Variants in MARF1 observed in about 807,000 individuals in gnomAD.
The protein encoded by MARF1 is meiosis regulator and mRNA stability factor 1, also known as limkain-b1.
In MARF1, 24 loss-of-function variants were observed where a neutral mutation model predicts 168.2. The ratio of observed to expected loss-of-function variants is 0.14; its 90% CI spans 0.10 to 0.20. The LOEUF (loss-of-function observed/expected upper bound fraction) is 0.20. Ranked by LOEUF, MARF1 falls within the 10% of genes least tolerant of loss-of-function variation. MARF1 has a pLI of 1.00. For synonymous variants in MARF1, 868 were observed against 822.4 expected (o/e 1.06, Z -0.95); for missense variants, 1,744 against 2,143.6 (o/e 0.81, Z 3.68).
intron 2 of MARF1, among the ~76,000 whole-genome samples, chr16:15,637,522 T>C (rs1324850534): frequency 1.3e-5 from 2 of 152,244 alleles, no homozygotes; most frequent in African/African-American, 2.4e-5. Context: ...TTGGTAATTA[T>C]AGTTCAGACT....
At chr16:15,602,331 C>T (rs937530162) in intron 22 of MARF1, 128 bp from the exon 23 acceptor site, 17 of 710,702 alleles carry the variant, frequency 2.4e-5, no homozygotes, top group East Asian at 1.0e-4. Context: ...AAGAAGGCAA[C>T]GAAGATGAGA....
intron 22 of MARF1, among the ~76,000 whole-genome samples, chr16:15,603,962 G>A (rs1362465461): frequency 6.6e-6 from 1 of 152,076 alleles, no homozygotes; most frequent in Non-Finnish European, 1.5e-5. Context: ...CCCAGTGCCA[G>A]GATGAGGAGA....
rs2035801661 is a variant in MARF1 at position 15,639,397 on chromosome 16, C to T, written c.-58-106G>A. ...GCTATATTTACAGTCCTATGGCTCT[C>T]AACAATTCAAATCTTTGTTTCAAGA... is the stretch of plus-strand genomic sequence containing the variant. On this transcript the variant is annotated intron_variant, in intron 1 of 26. Transcript: ENST00000396368. 11 of 731,554 alleles carry T rather than the reference C, an allele frequency of 1.5e-5. No homozygotes were observed. The East Asian group carries it at 2.9e-4, about 20-fold the overall frequency. The allele number at this position is 731,554 out of a possible 1,614,324, so 45.3% of individuals were successfully genotyped here.
rs1356836665 is a variant in MARF1 at position 15,639,249 on chromosome 16, G to A, written c.-16C>T. On this transcript the variant is annotated 5_prime_UTR_variant, in exon 2 of 27. Transcript: ENST00000396368. ...CTTCCATCATACAGCCATGCAAAGT[G>A]ATTCAACATCCTTTCATCTTTCTTT... The A allele has an allele frequency of 6.2e-7, 1 of 1,604,500 alleles. No individual in the cohort carries two copies. Among genetic ancestry groups the A allele is most frequent in the Non-Finnish European group, 8.5e-7 (1 of 1,175,664 alleles).
intron 8 of MARF1, 32 bp downstream of exon 8, chr16:15,625,340 A>G (rs1288560631): frequency 1.3e-6 from 2 of 1,571,844 alleles, no homozygotes; most frequent in South Asian, 1.2e-5. Flanking sequence ...AACCTACCAT[A>G]AACTTCAGAA....
chr16:15,631,536 T>C, intron 5 of MARF1, 38 bp from the exon 6 acceptor site: 1 of 1,440,392 alleles, frequency 6.9e-7, no homozygotes, highest in Non-Finnish European at 9.7e-7. Context: ...AAGCAGGAGC[T>C]GAGGCTAGAA....
At position 15,617,369 on chromosome 16, in the gene MARF1, G is replaced by A. The variant is rs770508355; in HGVS notation, c.2887C>T (p.Pro963Ser). Reference sequence around the variant, plus strand: ...TATTCTAACTCTTCAAATATAATTGGGCTGCAATTCGTGGAGGAGCCGTCG... The same window carrying A: ...TATTCTAACTCTTCAAATATAATTGAGCTGCAATTCGTGGAGGAGCCGTCG... Reference protein sequence around the residue: ...SHDGSSTNCSPIIFEELEYHE... With the variant: ...SHDGSSTNCSSIIFEELEYHE... The change falls in exon 14 of 27, where the codon CCA (proline) becomes TCA (serine). Residue 963 changes from proline (P) to serine (S), a missense_variant. This residue lies in a region of MARF1 where 543 missense variants were observed against 742.1 expected (regional missense o/e 0.73). Transcript: ENST00000396368. The A allele has an allele frequency of 1.2e-6, 2 of 1,614,004 alleles. No individual in the cohort carries two copies. Among genetic ancestry groups the A allele is most frequent in the African/African-American group, 2.7e-5 (2 of 74,892 alleles).
intron 5 of MARF1, among the ~76,000 whole-genome samples, chr16:15,632,261 G>A (rs986217273): frequency 2.0e-5 from 3 of 152,322 alleles, no homozygotes; most frequent in African/African-American, 7.2e-5. Flanking sequence ...CAATTTGGAG[G>A]TGGTAAAGAT....
intron 11 of MARF1, among the ~76,000 whole-genome samples, chr16:15,622,498 T>C (rs1169549031): frequency 6.6e-6 from 1 of 151,938 alleles, no homozygotes; most frequent in East Asian, 1.9e-4. Flanking sequence ...TTTAAGCAAT[T>C]CTCCTGCCTT....
Position 15,595,416 on chromosome 16 carries a change from G to C in MARF1, c.*1277C>G, listed in dbSNP as rs1057238484. On this transcript the variant is annotated 3_prime_UTR_variant, in exon 27 of 27. Coordinates refer to ENST00000396368, the MANE Select transcript of MARF1 (RefSeq NM_014647.4). ...CTAGTGGAAGACCTTACGCCAACAG[G>C]TTCTTTCTGCTCTATGAATGAATCC... 13 of 152,570 alleles carry C rather than the reference G, an allele frequency of 8.5e-5. No individual in the cohort carries two copies. The highest frequency in any genetic ancestry group is 6.5e-4 in the Admixed American group (10 of 15,272). The allele number at this position is 152,570 out of a possible 1,614,324, so 9.5% of individuals were successfully genotyped here.
intron 7 of MARF1, among the ~76,000 whole-genome samples, chr16:15,626,191 T>A (rs370375576): frequency 6.6e-6 from 1 of 152,134 alleles, no homozygotes; most frequent in African/African-American, 2.4e-5. Flanking sequence ...TCCATTTCTA[T>A]AAAGCATCCA....
intron 26 of MARF1, among the ~76,000 whole-genome samples, 169 bp from the exon 27 acceptor site, chr16:15,597,106 A>C (rs915677199): frequency 2.0e-5 from 3 of 152,210 alleles, no homozygotes; most frequent in South Asian, 2.1e-4. Flanking sequence ...TGAACTTGGC[A>C]CAGAAATCAA....
Position 15,625,600 on chromosome 16 carries a change from A to C in MARF1, c.1725T>G (p.Gly575=). The C allele has an allele frequency of 6.2e-7, 1 of 1,614,196 alleles. No homozygotes were observed. Residue 575 remains glycine (G), a synonymous_variant, in exon 8 of 27, where the codon GGT becomes GGG. Transcript: ENST00000396368. ...GAGTAAATGACACAATGATCCTATTACCAAAGACATCTTCGTTTTCCATTC... is the reference window on the plus strand; with the variant it reads ...GAGTAAATGACACAATGATCCTATTCCCAAAGACATCTTCGTTTTCCATTC... ...QKRMENEDVF[G]NRIIVSFTPK...
intron 12 of MARF1, among the ~76,000 whole-genome samples, chr16:15,621,342 A>G (rs969959345): frequency 1.1e-4 from 16 of 152,242 alleles, no homozygotes; most frequent in East Asian, 5.8e-4. Context: ...CACTAAGGAT[A>G]TATCTGCAAA....
At chr16:15,619,093 T>C (rs1031374405) in intron 13 of MARF1, among the ~76,000 whole-genome samples, 4 of 152,084 alleles carry the variant, frequency 2.6e-5, no homozygotes, top group African/African-American at 4.8e-5. Context: ...CTGGGCAACA[T>C]AGCAAAACCC....
Position 15,633,751 on chromosome 16 carries a change from C to A in MARF1, c.1099G>T (p.Gly367Cys), listed in dbSNP as rs1365614679. ...WDIENCSVPS[G>C]RSATAVVQRI... Reference sequence around the variant, plus strand: ...TGCACAACAGCAGTTGCTGACCGGCCAGAGGGAACGGAGCAGTTTTCAATA... The same window carrying A: ...TGCACAACAGCAGTTGCTGACCGGCAAGAGGGAACGGAGCAGTTTTCAATA... Residue 367 changes from glycine (G) to cysteine (C), a missense_variant, in exon 5 of 27, where the codon GGC becomes TGC. This residue lies in a region of MARF1 where 217 missense variants were observed against 372.4 expected (regional missense o/e 0.58). Transcript: ENST00000396368. The A allele has an allele frequency of 7.4e-6, 12 of 1,613,948 alleles. No individual in the cohort carries two copies. The highest frequency in any genetic ancestry group is 2.2e-5 in the East Asian group (1 of 44,900).
intron 3 of MARF1, chr16:15,635,336 AG>A: frequency 4.7e-6 from 2 of 423,512 alleles, no homozygotes; most frequent in Non-Finnish European, 4.2e-6. Context: ...CCCATGTGTA[AG>A]CTGAATGTAA....
At chr16:15,638,881 C>T (rs2035767586) in intron 2 of MARF1, among the ~76,000 whole-genome samples, 1 of 152,178 alleles carries the variant, frequency 6.6e-6, no homozygotes, top group Non-Finnish European at 1.5e-5. Flanking sequence ...ATATTCAAGG[C>T]ATCTACTGTT....
rs761767509 is a variant in MARF1, at chr16:15,604,160, G to T, written c.4413+8C>A. 3.8e-6 allele frequency: 6 copies of T among 1,590,786 alleles called. No individual in the cohort carries two copies. The highest frequency in any genetic ancestry group is 8.6e-7 in the Non-Finnish European group (1 of 1,158,800). On this transcript the variant is annotated splice_region_variant and intron_variant, in intron 22 of 26. Coordinates refer to ENST00000396368, the MANE Select transcript of MARF1 (RefSeq NM_014647.4). ...ATGATAGTTCTAAAGAGCCATTAAC[G>T]TGCCTACCTCAACCAAGTATGGCAG...
Sources: gnomAD v4.1 joint callset for allele counts (sites outside exome capture counted in the v4.1 genomes callset) on GRCh38, gnomAD v4.1.1 for gene constraint, gnomAD v4.1.1 regional missense constraint, MANE v1.5 for transcripts, NCBI Gene and HGNC (gene_info 2026-07-23, HGNC 2026-07-21) for gene names.